NKAIN3: variants seen among roughly 807,000 people sequenced by gnomAD.
The protein encoded by NKAIN3 is sodium/potassium-transporting ATPase subunit beta-1-interacting protein 3.
A neutral mutation model predicts 30.2 loss-of-function variants in NKAIN3; 25 were observed. The ratio of observed to expected loss-of-function variants is 0.83; its 90% CI spans 0.60 to 1.16. NKAIN3 has a LOEUF of 1.16. Ranked by LOEUF, NKAIN3 falls within the 50% of genes most tolerant of loss-of-function variation. The pLI, the probability that NKAIN3 is intolerant of heterozygous loss-of-function variation, is 0.00. For missense variants in NKAIN3, 225 were observed against 254.1 expected (o/e 0.89, Z 0.78); for synonymous variants, 91 against 89.6 (o/e 1.02, Z -0.09).
chr8:62,525,709 C>A (rs1808284306), intron 1 of NKAIN3, among the ~76,000 whole-genome samples: 1 of 152,246 alleles, frequency 6.6e-6, no homozygotes, highest in South Asian at 2.1e-4. Context: ...GACCTTCACA[C>A]TGGGAGTCAA....
intron 2 of NKAIN3, 130 bp downstream of exon 2, chr8:62,579,806 AT>A: frequency 2.1e-6 from 1 of 471,864 alleles, no homozygotes; most frequent in Admixed American, 4.2e-5. Context: ...CAAATGTTAA[AT>A]TTTGTTAAGA....
intron 4 of NKAIN3, among the ~76,000 whole-genome samples, chr8:62,760,324 C>T (rs548974944): frequency 3.8e-4 from 58 of 152,208 alleles, no homozygotes; most frequent in African/African-American, 1.3e-3. Context: ...GACACATGCA[C>T]GTGTATGTTT....
At chr8:62,657,124 T>C (rs967275296) in intron 3 of NKAIN3, among the ~76,000 whole-genome samples, 7 of 152,208 alleles carry the variant, frequency 4.6e-5, no homozygotes, top group African/African-American at 1.7e-4. Context: ...GTTGTACTGT[T>C]TAAAATGGCT....
intron 3 of NKAIN3, among the ~76,000 whole-genome samples, chr8:62,710,734 A>G (rs1814686715): frequency 6.6e-6 from 1 of 152,120 alleles, no homozygotes; most frequent in Non-Finnish European, 1.5e-5. Flanking sequence ...GTATTAAAGT[A>G]TGAGGTATTG....
intron 3 of NKAIN3, among the ~76,000 whole-genome samples, chr8:62,664,469 G>A (rs761080827): frequency 6.6e-6 from 1 of 152,036 alleles, no homozygotes; most frequent in South Asian, 2.1e-4. Context: ...TGGGAAGAGG[G>A]TACAATAATC....
chr8:62,747,250 GA>G, intron 4 of NKAIN3, 121 bp downstream of exon 4: 1 of 622,220 alleles, frequency 1.6e-6, no homozygotes, highest in Non-Finnish European at 2.8e-6. Flanking sequence ...AACAGAAATA[GA>G]AGCAATTATG....
At chr8:62,316,768 A>T (rs1243042010) in intron 1 of NKAIN3, among the ~76,000 whole-genome samples, 2 of 152,142 alleles carry the variant, frequency 1.3e-5, no homozygotes, top group Admixed American at 6.5e-5. Context: ...TAGCAGCATG[A>T]TTTATAATCC....
chr8:62,781,971 C>G (rs1216276351), intron 4 of NKAIN3, among the ~76,000 whole-genome samples: 1 of 151,828 alleles, frequency 6.6e-6, no homozygotes, highest in Non-Finnish European at 1.5e-5. Flanking sequence ...ATCTGCACAG[C>G]AAAATAAGCA....
In NKAIN3 at chr8:62,978,055, G is replaced by A. The variant is rs142120822; in HGVS notation, c.*12648G>A. Reference sequence around the variant, plus strand: ...TATCACCAGCAGAGGCTGCAGAACAGCAAAGATTGCTGCCTCCTCCTACTT... The same window carrying A: ...TATCACCAGCAGAGGCTGCAGAACAACAAAGATTGCTGCCTCCTCCTACTT... On this transcript the variant is annotated 3_prime_UTR_variant, in exon 7 of 7. Transcript: ENST00000623646. The A allele has an allele frequency of 6.2e-3, 1,002 of 162,766 alleles. 11 individuals carry two copies. The highest frequency in any genetic ancestry group is 0.023 in the African/African-American group (941 of 41,764). The allele number at this position is 162,766 out of a possible 1,614,324, so 10.1% of individuals were successfully genotyped here.
At chr8:62,705,650 G>C (rs1240871331) in intron 3 of NKAIN3, among the ~76,000 whole-genome samples, 1 of 151,804 alleles carries the variant, frequency 6.6e-6, no homozygotes, top group African/African-American at 2.4e-5. Flanking sequence ...CTTTCTATTT[G>C]TTAATTTTTT....
chr8:62,679,678 A>G (rs1813592815), intron 3 of NKAIN3, among the ~76,000 whole-genome samples: 1 of 152,244 alleles, frequency 6.6e-6, no homozygotes, highest in East Asian at 1.9e-4. Flanking sequence ...GAAGGGAAAG[A>G]GAGAGAGCAA....
At chr8:62,443,812 T>C (rs1246268100) in intron 1 of NKAIN3, among the ~76,000 whole-genome samples, 1 of 152,178 alleles carries the variant, frequency 6.6e-6, no homozygotes, top group Non-Finnish European at 1.5e-5. Context: ...TATGTATATC[T>C]CATAGGTAAT....
At chr8:62,310,219 AT>A (rs2129588589) in intron 1 of NKAIN3, among the ~76,000 whole-genome samples, 1 of 150,650 alleles carries the variant, frequency 6.6e-6, no homozygotes, top group African/African-American at 2.5e-5. Flanking sequence ...TTGAAAAAAA[AT>A]ATTGGACTTG....
intron 1 of NKAIN3, among the ~76,000 whole-genome samples, chr8:62,383,988 C>T (rs1178779408): frequency 1.3e-5 from 2 of 151,692 alleles, no homozygotes; most frequent in African/African-American, 2.4e-5. Context: ...AGCAATTCAA[C>T]TTTTTCTTGT....
chr8:62,514,293 C>T (rs1425162081), intron 1 of NKAIN3, among the ~76,000 whole-genome samples: 1 of 151,866 alleles, frequency 6.6e-6, no homozygotes, highest in African/African-American at 2.4e-5. Flanking sequence ...TTAGATAATG[C>T]CACTAATTCT....
At chr8:62,876,048 G>A (rs1040715856) in intron 4 of NKAIN3, among the ~76,000 whole-genome samples, 6 of 152,166 alleles carry the variant, frequency 3.9e-5, no homozygotes, top group African/African-American at 1.2e-4. Context: ...GCAACCTACA[G>A]ATTGGGAGAA....
At chr8:62,489,866 G>A (rs1218755376) in intron 1 of NKAIN3, among the ~76,000 whole-genome samples, 68 of 152,108 alleles carry the variant, frequency 4.5e-4, no homozygotes, top group Non-Finnish European at 1.9e-4. Context: ...GACAAGACTA[G>A]GTCACGACAC....
At chr8:62,430,266 G>A (rs1804950505) in intron 1 of NKAIN3, among the ~76,000 whole-genome samples, 1 of 151,338 alleles carries the variant, frequency 6.6e-6, no homozygotes, top group African/African-American at 2.4e-5. Flanking sequence ...GGACACTTGG[G>A]TTGCTTTCAT....
chr8:62,671,609 A>T (rs1813304867), intron 3 of NKAIN3, among the ~76,000 whole-genome samples: 1 of 152,192 alleles, frequency 6.6e-6, no homozygotes, highest in Admixed American at 6.5e-5. Context: ...CAAGTAGTAT[A>T]AAACTAAACT....
Sources: allele counts gnomAD v4.1 joint callset (sites outside exome capture counted in the v4.1 genomes callset), GRCh38; gene constraint gnomAD v4.1.1; transcripts MANE v1.5; gene names NCBI Gene and HGNC (gene_info 2026-07-23, HGNC 2026-07-21).